DEUP1: variants seen among roughly 807,000 people sequenced by gnomAD.
DEUP1 encodes deuterosome assembly protein 1.
DEUP1 carries 82 observed loss-of-function variants against 87.4 expected under a neutral mutation model. The observed-to-expected ratio is 0.94, with a 90% confidence interval of 0.78 to 1.13. DEUP1 has a LOEUF of 1.13. Among genes scored for constraint, DEUP1 ranks in the 50% most tolerant of loss-of-function variants. The pLI, the probability that DEUP1 is intolerant of heterozygous loss-of-function variation, is 0.00. For synonymous variants in DEUP1, 214 were observed against 222.7 expected (o/e 0.96, Z 0.35); for missense variants, 663 against 681.5 (o/e 0.97, Z 0.30).
At chr11:93,348,399 G>A (rs752819671) in intron 2 of DEUP1, among the ~76,000 whole-genome samples, 4 of 151,988 alleles carry the variant, frequency 2.6e-5, no homozygotes, top group Non-Finnish European at 4.4e-5. Flanking sequence ...GTTTTCTCTT[G>A]ATTCCCTAGT....
intron 2 of DEUP1, among the ~76,000 whole-genome samples, chr11:93,342,949 G>A (rs1309589111): frequency 6.6e-6 from 1 of 152,206 alleles, no homozygotes; most frequent in African/African-American, 2.4e-5. Context: ...GGAATGGACT[G>A]GAGTGGAGGC....
At chr11:93,414,008 A>C (rs1947526375) in intron 12 of DEUP1, among the ~76,000 whole-genome samples, 1 of 152,192 alleles carries the variant, frequency 6.6e-6, no homozygotes, top group African/African-American at 2.4e-5. Flanking sequence ...CTAAACATTT[A>C]CTATGTGCCA....
Position 93,408,328 on chromosome 11 carries a change from A to G in DEUP1, c.1424A>G (p.His475Arg). 1.3e-6 allele frequency: 2 copies of G among 1,578,370 alleles called. No homozygotes were observed. The highest frequency in any genetic ancestry group is 1.3e-5 in the African/African-American group (1 of 74,354). Residue 475 changes from histidine (H) to arginine (R), a missense_variant, in exon 12 of 14, where the codon CAT becomes CGT. Physicochemically the swap from His to Arg is conservative, Grantham distance 29. Transcript: ENST00000298050. ...CTCCGAAATGATCTTGCAAAACTTC[A>G]TGTCAATGGAAAATCAACCTGGACT... Reference protein sequence around the residue: ...ERLRNDLAKLHVNGKSTWTNQ... With the variant: ...ERLRNDLAKLRVNGKSTWTNQ...
Position 93,385,441 on chromosome 11 carries a change from C to A in DEUP1, c.833C>A (p.Ser278Ter), listed in dbSNP as rs1433229330. Residue 278 changes from serine (S) to a stop codon, truncating the protein, a stop_gained, in exon 8 of 14, where the codon TCA becomes TAA. Transcript: ENST00000298050. LOFTEE classifies it high-confidence loss of function. ...TCAGAGGTAAAAAGTGAGTTACAGT[C>A]ACGTGATGATCTCTTGAGAATTATA... ...GLSEVKSELQ[S>*]RDDLLRIIEM... The A allele has an allele frequency of 6.2e-7, 1 of 1,612,642 alleles. No individual in the cohort carries two copies. The highest frequency in any genetic ancestry group is 1.7e-5 in the Admixed American group (1 of 59,856).
intron 13 of DEUP1, among the ~76,000 whole-genome samples, chr11:93,416,636 T>C (rs1176864064): frequency 6.6e-6 from 1 of 151,580 alleles, no homozygotes; most frequent in African/African-American, 2.4e-5. Flanking sequence ...CTGAAACTAT[T>C]CCAATCAATA....
chr11:93,367,243 T>C (rs761919681), intron 5 of DEUP1, among the ~76,000 whole-genome samples: 8 of 152,192 alleles, frequency 5.3e-5, no homozygotes, highest in Non-Finnish European at 1.0e-4. Flanking sequence ...CCTTCACTGA[T>C]TGTTTAGGCA....
rs1456383296 is a variant in DEUP1, at chr11:93,432,055, G to A, written c.1639-5488G>A. On this transcript the variant is annotated intron_variant, in intron 13 of 13. Coordinates refer to ENST00000298050, the MANE Select transcript of DEUP1 (RefSeq NM_181645.4). ...TGGAAATACAAATGTGGGAATAATC[G>A]GCATATGGTTGGTATTTAAGTCTAT... Among the ~76,000 whole-genome samples, 3 of 152,096 alleles carry A rather than the reference G, an allele frequency of 2.0e-5. No individual in the cohort carries two copies. The East Asian group carries it at 5.8e-4, about 29-fold the overall frequency.
chr11:93,380,501 C>G (rs936918068), intron 7 of DEUP1, among the ~76,000 whole-genome samples: 1 of 151,962 alleles, frequency 6.6e-6, no homozygotes, highest in Non-Finnish European at 1.5e-5. Flanking sequence ...CCCAGGTTCA[C>G]GCCATTCTTC....
At chr11:93,374,603 T>C (rs1028314841) in intron 7 of DEUP1, among the ~76,000 whole-genome samples, 7 of 152,240 alleles carry the variant, frequency 4.6e-5, no homozygotes, top group African/African-American at 1.7e-4. Context: ...TATTTGGGTT[T>C]ATTTCTGGGT....
At chr11:93,355,660 G>T in intron 3 of DEUP1, 118 bp downstream of exon 3, 1 of 904,632 alleles carries the variant, frequency 1.1e-6, no homozygotes, top group Non-Finnish European at 1.6e-6. Flanking sequence ...AGCATTTATT[G>T]CTTGAAATTC....
chr11:93,383,341 T>G (rs1246376542), intron 7 of DEUP1: 8 of 338,944 alleles, frequency 2.4e-5, no homozygotes, highest in Non-Finnish European at 4.2e-5. Context: ...GAAAGCATTA[T>G]GCTACATTAA....
intron 13 of DEUP1, among the ~76,000 whole-genome samples, chr11:93,417,552 C>T (rs1399978869): frequency 2.0e-4 from 30 of 151,676 alleles, no homozygotes; most frequent in African/African-American, 7.1e-4. Flanking sequence ...AATGGAAGAA[C>T]ATTCCATGCT....
chr11:93,362,934 A>G (rs1213245565), intron 4 of DEUP1, among the ~76,000 whole-genome samples: 1 of 151,880 alleles, frequency 6.6e-6, no homozygotes, highest in Admixed American at 6.6e-5. Context: ...GGCTACTTTA[A>G]TTAATCTGAT....
intron 2 of DEUP1, chr11:93,352,253 G>C: frequency 1.5e-6 from 1 of 660,344 alleles, no homozygotes. Flanking sequence ...CATTGAAATG[G>C]ATGCTGAAAT....
At chr11:93,436,500 T>C (rs1314876367) in intron 13 of DEUP1, among the ~76,000 whole-genome samples, 1 of 152,222 alleles carries the variant, frequency 6.6e-6, no homozygotes, top group African/African-American at 2.4e-5. Context: ...AGATCAATAG[T>C]AGCATACCAT....
intron 4 of DEUP1, among the ~76,000 whole-genome samples, chr11:93,357,988 A>G (rs1944976316): frequency 6.6e-6 from 1 of 152,194 alleles, no homozygotes; most frequent in Admixed American, 6.5e-5. Flanking sequence ...TTAGACTCTG[A>G]GCATTTAGCA....
At chr11:93,339,157 G>A (rs564230455) in intron 2 of DEUP1, among the ~76,000 whole-genome samples, 3 of 152,306 alleles carry the variant, frequency 2.0e-5, no homozygotes, top group African/African-American at 4.8e-5. Flanking sequence ...TTAAGTTATT[G>A]TTGCTTCTTA....
chr11:93,388,933 C>T, intron 8 of DEUP1, 87 bp from the exon 9 acceptor site: 1 of 737,312 alleles, frequency 1.4e-6, no homozygotes, highest in Non-Finnish European at 2.2e-6. Context: ...ATCTCCGCAG[C>T]CTGTAATGGT....
rs549003489 is a variant in DEUP1 at position 93,406,282 on chromosome 11, T to C, written c.1327-1949T>C. On this transcript the variant is annotated intron_variant, in intron 11 of 13. Transcript: ENST00000298050. Reference sequence around the variant, plus strand: ...TACATTGCTCAGAATTGTGTAGAACTGGCACAATCTCAACTGTAAGATCAG... The same window carrying C: ...TACATTGCTCAGAATTGTGTAGAACCGGCACAATCTCAACTGTAAGATCAG... Among the ~76,000 whole-genome samples the C allele has an allele frequency of 2.6e-5, 4 of 152,068 alleles. No homozygotes were observed. The East Asian group carries it at 7.7e-4, about 29-fold the overall frequency.
Sources: allele counts gnomAD v4.1 joint callset (sites outside exome capture counted in the v4.1 genomes callset), GRCh38; gene constraint gnomAD v4.1.1; transcripts MANE v1.5; gene names NCBI Gene and HGNC (gene_info 2026-07-23, HGNC 2026-07-21).